APBB1IP: variants seen among roughly 807,000 people sequenced by gnomAD.
APBB1IP encodes amyloid beta precursor protein binding family B member 1 interacting protein, also known as amyloid beta A4 precursor protein-binding family B member 1-interacting protein.
Under a neutral mutation model 64.9 loss-of-function variants are expected in APBB1IP, and 27 were observed. The observed-to-expected ratio is 0.42, with a 90% CI of 0.31 to 0.57. The LOEUF (loss-of-function observed/expected upper bound fraction) is 0.57, where lower values mean the gene tolerates loss of function less well. APBB1IP is among the 20% of genes least tolerant of loss of function. The pLI is 0.20. For synonymous variants in APBB1IP, 392 were observed against 331.0 expected, an observed-to-expected ratio of 1.18 and a Z score of -2.00; for missense variants, 812 against 845.5, an observed-to-expected ratio of 0.96 and a Z score of 0.49.
chr10:26,446,089 G>A (rs1344160702), intron 2 of APBB1IP, among the ~76,000 whole-genome samples: 1 of 151,872 alleles, frequency 6.6e-6, no homozygotes, highest in Non-Finnish European at 1.5e-5. Flanking sequence ...TAGTTATGTG[G>A]GGCAGAAGCG....
Position 26,500,871 on chromosome 10 carries a change from G to T in APBB1IP, c.213G>T (p.Leu71=). ...DQDLDALMAD[L]VADISEAEQR... is the part of the protein sequence containing the mutation. The stretch of plus-strand genomic sequence containing the variant: ...ATTTAGATGCTCTCATGGCAGATCT[G>T]GTAGCAGACATAAGTGAGGCTGAGC... The change falls in exon 5 of 15, where the codon CTG becomes CTT. Residue 71 remains leucine (L), a synonymous_variant. Coordinates refer to ENST00000376236, the MANE Select transcript of APBB1IP (RefSeq NM_019043.4). 1.2e-6 allele frequency: 2 copies of T among 1,614,160 alleles called. No homozygotes were observed. The highest frequency in any genetic ancestry group is 1.3e-5 in the African/African-American group (1 of 75,048).
intron 8 of APBB1IP, among the ~76,000 whole-genome samples, chr10:26,526,339 G>A (rs1034755611): frequency 6.6e-6 from 1 of 152,220 alleles, no homozygotes; most frequent in African/African-American, 2.4e-5. Flanking sequence ...GTAAGTTCAT[G>A]TAAGATTGTG....
chr10:26,492,323 T>A lies in APBB1IP; in HGVS notation c.1-4T>A. 2 of 1,613,518 alleles carry A rather than the reference T, an allele frequency of 1.2e-6. No homozygotes were observed. Among genetic ancestry groups the A allele is most frequent in the Non-Finnish European group, 1.7e-6 (2 of 1,179,646 alleles). On this transcript the variant is annotated splice_region_variant and splice_polypyrimidine_tract_variant and intron_variant, in intron 2 of 14. Coordinates refer to ENST00000376236, the MANE Select transcript of APBB1IP (RefSeq NM_019043.4). ...GCTAATATCTCAGTTTCTTCCTTTT[T>A]CAGATGGGTGAGTCAAGTGAAGACA...
At chr10:26,497,961 A>G (rs1265495623) in intron 4 of APBB1IP, among the ~76,000 whole-genome samples, 1 of 152,018 alleles carries the variant, frequency 6.6e-6, no homozygotes, top group Non-Finnish European at 1.5e-5. Flanking sequence ...TCCAGACCTC[A>G]GGTGATCCAA....
chr10:26,470,750 T>C (rs556985784), intron 2 of APBB1IP, among the ~76,000 whole-genome samples: 1 of 152,292 alleles, frequency 6.6e-6, no homozygotes, highest in South Asian at 2.1e-4. Context: ...ATCCATAATA[T>C]GCCACGCAAT....
intron 4 of APBB1IP, among the ~76,000 whole-genome samples, chr10:26,498,879 C>T (rs1356425404): frequency 5.3e-5 from 8 of 152,132 alleles, no homozygotes; most frequent in South Asian, 2.1e-4. Flanking sequence ...ACTACTGCTA[C>T]GTATGGAAAA....
Position 26,517,155 on chromosome 10 carries a change from G to T in APBB1IP, c.813+3495G>T, listed in dbSNP as rs181589171. On this transcript the variant is annotated intron_variant, in intron 8 of 14. Transcript: ENST00000376236. ...CAGTGCACCAATCTAGCATTTTTGGGGATGGCATGTCTTTCAGTCCTTCAG... is the reference window on the plus strand; with the variant it reads ...CAGTGCACCAATCTAGCATTTTTGGTGATGGCATGTCTTTCAGTCCTTCAG... Among the ~76,000 whole-genome samples, 366 of 152,268 alleles carry T rather than the reference G, an allele frequency of 2.4e-3. 1 individual carries two copies. The highest frequency in any genetic ancestry group is 8.1e-3 in the African/African-American group (336 of 41,542).
intron 6 of APBB1IP, among the ~76,000 whole-genome samples, chr10:26,507,360 A>G (rs1390458288): frequency 1.3e-5 from 2 of 152,268 alleles, no homozygotes; most frequent in Admixed American, 1.3e-4. Context: ...TTAGCTGGGC[A>G]TGGCGGTTCA....
chr10:26,442,176 C>G (rs1835345402), intron 2 of APBB1IP, among the ~76,000 whole-genome samples: 1 of 152,100 alleles, frequency 6.6e-6, no homozygotes, highest in Admixed American at 6.5e-5. Context: ...CCTGGTCTCC[C>G]CAACCAGGGT....
intron 8 of APBB1IP, among the ~76,000 whole-genome samples, chr10:26,516,888 TG>T (rs534608511): frequency 2.0e-5 from 3 of 152,100 alleles, no homozygotes; most frequent in Non-Finnish European, 4.4e-5. Context: ...AGAAGATATA[TG>T]GGGGGAGATA....
At chr10:26,503,122 C>G (rs995356972) in intron 5 of APBB1IP, 75 bp from the exon 6 acceptor site, 7 of 1,382,838 alleles carry the variant, frequency 5.1e-6, no homozygotes, top group Non-Finnish European at 7.1e-6. Flanking sequence ...AGCTGAGACA[C>G]TAGCAATGAC....
At chr10:26,512,752 A>G (rs1836276939) in intron 7 of APBB1IP, among the ~76,000 whole-genome samples, 2 of 152,068 alleles carry the variant, frequency 1.3e-5, no homozygotes, top group African/African-American at 2.4e-5. Flanking sequence ...GACTATAGGC[A>G]CACATCATCA....
At chr10:26,508,915 CAT>C (rs1304410420) in intron 6 of APBB1IP, among the ~76,000 whole-genome samples, 2 of 152,186 alleles carry the variant, frequency 1.3e-5, no homozygotes, top group East Asian at 1.9e-4. Flanking sequence ...AAAACAGCAA[CAT>C]ATGTTTTATT....
intron 4 of APBB1IP, among the ~76,000 whole-genome samples, chr10:26,498,575 T>C (rs1836057636): frequency 6.6e-6 from 1 of 152,192 alleles, no homozygotes; most frequent in Non-Finnish European, 1.5e-5. Context: ...TACTTGCACA[T>C]ATGAAAAAAG....
chr10:26,550,904 T>A (rs911874774), intron 11 of APBB1IP, among the ~76,000 whole-genome samples: 2 of 152,220 alleles, frequency 1.3e-5, no homozygotes, highest in African/African-American at 2.4e-5. Context: ...GTGAGCAGAT[T>A]GACTTTTGTA....
chr10:26,566,904 A>G, intron 14 of APBB1IP, 57 bp from the exon 15 acceptor site: 1 of 1,486,788 alleles, frequency 6.7e-7, no homozygotes, highest in Admixed American at 2.3e-5. Context: ...TAATAACAAT[A>G]AATTTAAAAT....
chr10:26,516,912 C>T (rs1204692554), intron 8 of APBB1IP, among the ~76,000 whole-genome samples: 1 of 152,090 alleles, frequency 6.6e-6, no homozygotes, highest in Non-Finnish European at 1.5e-5. Flanking sequence ...GGTTACTTTA[C>T]CTATAGTGGA....
chr10:26,490,175 C>A (rs1215044573), intron 2 of APBB1IP, among the ~76,000 whole-genome samples: 2 of 152,096 alleles, frequency 1.3e-5, no homozygotes, highest in African/African-American at 4.8e-5. Context: ...TATGTGACTG[C>A]TAAAATATTA....
In APBB1IP at chr10:26,560,177, T is replaced by G; in HGVS notation, c.1228T>G (p.Trp410Gly). 1.9e-6 allele frequency: 3 copies of G among 1,614,038 alleles called. No homozygotes were observed. The highest frequency in any genetic ancestry group is 2.5e-6 in the Non-Finnish European group (3 of 1,179,964). The change falls in exon 12 of 15, where the codon TGG (tryptophan) becomes GGG (glycine). Residue 410 changes from tryptophan to glycine, a missense_variant. By Grantham distance (184) the Trp-to-Gly change is radical (BLOSUM62 -2). Around this residue, in one of 3 missense-constraint regions of APBB1IP, gnomAD observed 37 missense variants for 80.4 expected, o/e 0.46. Transcript: ENST00000376236. ...CCDDTRTLNQWVMGIRIAKYG... is the reference protein window; with the variant it reads ...CCDDTRTLNQGVMGIRIAKYG... ...TGATGACACAAGAACCCTTAACCAG[T>G]GGGTCATGGGAATACGGATAGCCAA...
Sources: allele counts gnomAD v4.1 joint callset (sites outside exome capture counted in the v4.1 genomes callset), GRCh38; gene constraint gnomAD v4.1.1; regional missense constraint gnomAD v4.1.1; transcripts MANE v1.5; gene names NCBI Gene and HGNC (gene_info 2026-07-23, HGNC 2026-07-21).